The following OR2L13 variants were observed in gnomAD, a reference collection of about 807,000 sequenced individuals.
The protein encoded by OR2L13 is olfactory receptor 2L13.
In OR2L13, 14 loss-of-function variants were observed where a neutral mutation model predicts 15.3. The ratio of observed to expected loss-of-function variants is 0.91; its 90% CI spans 0.60 to 1.43. The LOEUF (loss-of-function observed/expected upper bound fraction) is 1.43, where lower values mean the gene tolerates loss of function less well. Among genes scored for constraint, OR2L13 ranks in the 40% most tolerant of loss-of-function variants. The pLI is 0.00. For missense variants in OR2L13, 367 were observed against 387.9 expected, an observed-to-expected ratio of 0.95 and a Z score of 0.45; for synonymous variants, 152 against 142.9, an observed-to-expected ratio of 1.06 and a Z score of -0.45.
chr1:248,068,312 T>C, the OR2L13 span, among the ~76,000 whole-genome samples: 10 of 151,946 alleles, frequency 6.6e-5, no homozygotes, highest in South Asian at 2.1e-4. Flanking sequence ...TCCAGAGGAA[T>C]GATCAGACAG....
At chr1:248,036,064 A>C in the OR2L13 span, among the ~76,000 whole-genome samples, 2 of 152,280 alleles carry the variant, frequency 1.3e-5, no homozygotes, top group East Asian at 3.9e-4. Flanking sequence ...AATATTTCTC[A>C]CTTACTTTGT....
the OR2L13 span, among the ~76,000 whole-genome samples, chr1:248,005,329 A>C: frequency 6.6e-6 from 1 of 152,252 alleles, no homozygotes; most frequent in Non-Finnish European, 1.5e-5. Context: ...ATAGTAATTA[A>C]AAATAAAAAA....
At chr1:248,068,300 T>C in the OR2L13 span, among the ~76,000 whole-genome samples, 6 of 151,812 alleles carry the variant, frequency 4.0e-5, no homozygotes, top group South Asian at 2.1e-4. Context: ...TGAGACAAAA[T>C]TTCCAGAGGA....
chr1:247,991,070 CAG>C, the OR2L13 span: 1 of 1,581,152 alleles, frequency 6.3e-7, no homozygotes, highest in South Asian at 1.1e-5. Flanking sequence ...CGATCTCCGA[CAG>C]AGGACAAGGT....
the OR2L13 span, among the ~76,000 whole-genome samples, chr1:248,036,645 T>C: frequency 6.6e-6 from 1 of 152,242 alleles, no homozygotes; most frequent in East Asian, 1.9e-4. Context: ...TTTTCAAGCC[T>C]AAAAACTTCA....
the OR2L13 span, chr1:247,990,545 T>C: frequency 8.3e-6 from 13 of 1,565,546 alleles, no homozygotes; most frequent in Admixed American, 1.7e-5. Flanking sequence ...TCTATCTCCT[T>C]CACTGGGTGT....
the OR2L13 span, chr1:248,022,287 C>T: frequency 3.7e-6 from 6 of 1,614,160 alleles, no homozygotes; most frequent in South Asian, 5.5e-5. Context: ...AGCGCTGCTC[C>T]TGACATCAAT....
chr1:247,950,646 C>T, the OR2L13 span, among the ~76,000 whole-genome samples: 2 of 152,070 alleles, frequency 1.3e-5, no homozygotes, highest in Non-Finnish European at 2.9e-5. Flanking sequence ...CTATGTCAGG[C>T]ACAGAAAGAC....
chr1:248,036,125 A>T, the OR2L13 span, among the ~76,000 whole-genome samples: 3 of 152,090 alleles, frequency 2.0e-5, no homozygotes, highest in Non-Finnish European at 4.4e-5. Flanking sequence ...AGTTCTGAGA[A>T]TTTTTGTATG....
chr1:247,977,693 C>T, the OR2L13 span, among the ~76,000 whole-genome samples: 4 of 152,058 alleles, frequency 2.6e-5, no homozygotes. Context: ...GGTAGCCCTT[C>T]TCACAGGGTC....
chr1:248,031,081 T>TA, the OR2L13 span, among the ~76,000 whole-genome samples: 1 of 152,176 alleles, frequency 6.6e-6, no homozygotes, highest in Non-Finnish European at 1.5e-5. Flanking sequence ...TTTTGGTGGA[T>TA]AAAAAACTAA....
chr1:248,068,818 A>G, the OR2L13 span, among the ~76,000 whole-genome samples: 62 of 152,350 alleles, frequency 4.1e-4, 1 homozygote, highest in South Asian at 1.9e-3. Flanking sequence ...CGAGAACTAC[A>G]TGAAGAATGC....
At chr1:247,990,514 A>AT in the OR2L13 span, 6 of 1,575,752 alleles carry the variant, frequency 3.8e-6, no homozygotes, top group Non-Finnish European at 5.2e-6. Context: ...ATGGTTTATG[A>AT]TTTTTCTGTA....
the OR2L13 span, among the ~76,000 whole-genome samples, chr1:248,015,586 T>C: frequency 6.6e-6 from 1 of 152,186 alleles, no homozygotes. Flanking sequence ...AAAGATCACT[T>C]TCTGGAAGTT....
the OR2L13 span, among the ~76,000 whole-genome samples, chr1:248,081,336 G>T: frequency 6.6e-6 from 1 of 152,012 alleles, no homozygotes; most frequent in African/African-American, 2.4e-5. Context: ...TAGGTATTTT[G>T]TGCATTTTTA....
the OR2L13 span, chr1:247,974,711 C>T: frequency 0.57 from 132,930 of 231,480 alleles, 44,022 homozygotes; most frequent in Non-Finnish European, 0.71. Context: ...ATCTTTCTGC[C>T]GCCCTGCAGG....
At chr1:247,976,270 G>A in the OR2L13 span, among the ~76,000 whole-genome samples, 2 of 152,056 alleles carry the variant, frequency 1.3e-5, no homozygotes, top group African/African-American at 4.8e-5. Flanking sequence ...CTCAATTTCT[G>A]CCCCCTTGGT....
At chr1:248,030,446 T>C in the OR2L13 span, among the ~76,000 whole-genome samples, 124 of 152,284 alleles carry the variant, frequency 8.1e-4, no homozygotes, top group African/African-American at 2.9e-3. Context: ...TAAATGTGTT[T>C]TCTGGAGGGG....
the OR2L13 span, among the ~76,000 whole-genome samples, chr1:247,967,909 CTCT>C: frequency 0.037 from 5,653 of 151,076 alleles, 177 homozygotes; most frequent in East Asian, 0.094. Flanking sequence ...CGTCCTCTTC[CTCT>C]TCTTCTTCTT....
Sources: allele counts gnomAD v4.1 joint callset (sites outside exome capture counted in the v4.1 genomes callset), GRCh38; gene constraint gnomAD v4.1.1; transcripts MANE v1.5; gene names NCBI Gene and HGNC (gene_info 2026-07-23, HGNC 2026-07-21).